TMC1: variants seen among roughly 807,000 people sequenced by gnomAD.
TMC1 encodes transmembrane channel like 1.
Under a neutral mutation model 105.8 loss-of-function variants are expected in TMC1, and 84 were observed. The observed-to-expected ratio is 0.79, with a 90% CI of 0.67 to 0.95. The LOEUF (loss-of-function observed/expected upper bound fraction) is 0.95, where lower values mean the gene tolerates loss of function less well. Ranked by LOEUF, TMC1 falls within the 40% of genes least tolerant of loss-of-function variation. The probability of loss-of-function intolerance (pLI) is 0.00; values close to 1 mark genes in which losing one functional copy is unlikely to be tolerated. For synonymous variants in TMC1, 315 were observed against 311.5 expected (o/e 1.01, Z -0.12); for missense variants, 817 against 914.1 (o/e 0.89, Z 1.37).
chr9:72,724,992 A>G (rs1827089510), intron 8 of TMC1, among the ~76,000 whole-genome samples: 1 of 152,118 alleles, frequency 6.6e-6, no homozygotes, highest in African/African-American at 2.4e-5. Context: ...TAATAAGCAC[A>G]AAATAAGATT....
chr9:72,606,038 T>TG (rs1209769300), intron 2 of TMC1, among the ~76,000 whole-genome samples: 3 of 151,918 alleles, frequency 2.0e-5, no homozygotes, highest in Admixed American at 6.6e-5. Flanking sequence ...TCTGAGGTGG[T>TG]GGGGGGGTTA....
At chr9:72,721,009 CA>C (rs1282603194) in intron 8 of TMC1, among the ~76,000 whole-genome samples, 1 of 151,996 alleles carries the variant, frequency 6.6e-6, no homozygotes, top group Non-Finnish European at 1.5e-5. Flanking sequence ...ATGTAAAATG[CA>C]AATGGGGGGC....
intron 10 of TMC1, among the ~76,000 whole-genome samples, chr9:72,750,695 C>T (rs1414177230): frequency 6.6e-6 from 1 of 152,158 alleles, no homozygotes; most frequent in Non-Finnish European, 1.5e-5. Context: ...ATCACCCCTT[C>T]CTCTGGCCCT....
At chr9:72,794,073 AC>A (rs1388590169) in intron 17 of TMC1, among the ~76,000 whole-genome samples, 1 of 151,918 alleles carries the variant, frequency 6.6e-6, no homozygotes, top group Non-Finnish European at 1.5e-5. Context: ...CACAGGTCCT[AC>A]CTACCCCCAC....
chr9:72,618,002 C>A (rs531827442), intron 3 of TMC1, among the ~76,000 whole-genome samples: 1 of 139,540 alleles, frequency 7.2e-6, no homozygotes, highest in Non-Finnish European at 1.5e-5. Flanking sequence ...AGGATAGGAG[C>A]GAGACTTCTC....
At chr9:72,668,002 A>G (rs1349062292) in intron 5 of TMC1, among the ~76,000 whole-genome samples, 4 of 152,188 alleles carry the variant, frequency 2.6e-5, no homozygotes, top group Non-Finnish European at 5.9e-5. Context: ...ACTTAGTTAT[A>G]TTCTACCTCA....
At chr9:72,560,619 C>T (rs892325106) in intron 1 of TMC1, among the ~76,000 whole-genome samples, 1 of 152,126 alleles carries the variant, frequency 6.6e-6, no homozygotes, top group African/African-American at 2.4e-5. Flanking sequence ...CTGCCTCAGC[C>T]TCCTAAATAG....
chr9:72,674,385 C>T (rs2132171360), intron 5 of TMC1, among the ~76,000 whole-genome samples: 1 of 152,206 alleles, frequency 6.6e-6, no homozygotes, highest in South Asian at 2.1e-4. Flanking sequence ...GCCCTCAGAG[C>T]TCATTATAAA....
chr9:72,626,959 T>A (rs754591090), intron 3 of TMC1, among the ~76,000 whole-genome samples: 1 of 151,854 alleles, frequency 6.6e-6, no homozygotes, highest in South Asian at 2.1e-4. Context: ...GGGTAGATCA[T>A]ACCCTGGTGT....
intron 13 of TMC1, among the ~76,000 whole-genome samples, chr9:72,774,321 T>C (rs1043183542): frequency 6.6e-6 from 1 of 152,236 alleles, no homozygotes; most frequent in African/African-American, 2.4e-5. Flanking sequence ...ATTTTAATAA[T>C]AAATATATTT....
At chr9:72,830,738 C>G (rs201193350) in intron 23 of TMC1, 56 bp downstream of exon 23, 4 of 1,148,138 alleles carry the variant, frequency 3.5e-6, no homozygotes, top group Non-Finnish European at 4.9e-6. Context: ...CTTTTTCTTT[C>G]TTTTTTTTTT....
chr9:72,597,017 AT>A (rs1241594924), intron 2 of TMC1, among the ~76,000 whole-genome samples: 1 of 152,214 alleles, frequency 6.6e-6, no homozygotes, highest in Non-Finnish European at 1.5e-5. Flanking sequence ...GCGGATTTGA[AT>A]TTCACAAATT....
At chr9:72,555,130 C>G (rs1302253556) in intron 1 of TMC1, among the ~76,000 whole-genome samples, 1 of 151,558 alleles carries the variant, frequency 6.6e-6, no homozygotes, top group East Asian at 1.9e-4. Context: ...CCACCCGCCT[C>G]GGCCTCCCAA....
intron 8 of TMC1, among the ~76,000 whole-genome samples, chr9:72,711,680 A>G (rs1247347488): frequency 6.6e-6 from 1 of 152,190 alleles, no homozygotes; most frequent in Non-Finnish European, 1.5e-5. Flanking sequence ...CCTTTGTCAG[A>G]TGGATAGATT....
chr9:72,617,906 GTGGTGTGTGTGTGTGT>G (rs941217000), intron 3 of TMC1, among the ~76,000 whole-genome samples: 4 of 124,542 alleles, frequency 3.2e-5, no homozygotes, highest in African/African-American at 1.3e-4. Context: ...AAGTCTATGT[GTGGTGTGTGTGTGTGT>G]GTGTGTGTGT....
chr9:72,751,449 G>T (rs947950592), intron 10 of TMC1, among the ~76,000 whole-genome samples: 2 of 152,228 alleles, frequency 1.3e-5, no homozygotes, highest in African/African-American at 4.8e-5. Context: ...TATAATTATA[G>T]TGATAGCTAA....
intron 6 of TMC1, 53 bp downstream of exon 6, chr9:72,688,809 T>A: frequency 6.9e-7 from 1 of 1,457,204 alleles, no homozygotes. Context: ...ACCAGTAAAC[T>A]CAAAGAATTT....
intron 1 of TMC1, among the ~76,000 whole-genome samples, chr9:72,567,251 C>A (rs150426461): frequency 6.6e-6 from 1 of 152,184 alleles, no homozygotes; most frequent in Admixed American, 6.5e-5. Flanking sequence ...GGGTTTATCA[C>A]GGTCTCGTAT....
intron 13 of TMC1, 131 bp downstream of exon 13, chr9:72,772,686 T>G: frequency 7.9e-7 from 1 of 1,260,332 alleles, no homozygotes; most frequent in Non-Finnish European, 1.1e-6. Context: ...AGAGATGAAA[T>G]GTAGTTTTAA....
Sources: gnomAD v4.1 joint callset for allele counts (sites outside exome capture counted in the v4.1 genomes callset) on GRCh38, gnomAD v4.1.1 for gene constraint, MANE v1.5 for transcripts, NCBI Gene and HGNC (gene_info 2026-07-23, HGNC 2026-07-21) for gene names.